Variants in FBLN7 observed in about 807,000 individuals in gnomAD.
FBLN7 encodes the protein fibulin 7, also known as fibulin-7.
FBLN7 carries 31 observed loss-of-function variants against 44.0 expected under a neutral mutation model. The observed-to-expected ratio is 0.70, with a 90% CI of 0.53 to 0.95. The LOEUF is 0.95. FBLN7 is among the 40% of genes least tolerant of loss of function. The probability of loss-of-function intolerance (pLI) is 0.00; values close to 1 mark genes in which losing one functional copy is unlikely to be tolerated. For synonymous variants in FBLN7, 262 were observed against 253.4 expected (o/e 1.03, Z -0.32); for missense variants, 573 against 618.5 (o/e 0.93, Z 0.78).
chr2:112,195,715 A>T, the FBLN7 span, among the ~76,000 whole-genome samples: 1 of 152,206 alleles, frequency 6.6e-6, no homozygotes, highest in South Asian at 2.1e-4. Context: ...TCTTGTTTGC[A>T]GCCGTTCTAA....
Position 112,187,279 on chromosome 2 carries a change from C to T in FBLN7, c.1093C>T (p.Arg365Ter), listed in dbSNP as rs369753216. 90 of 1,614,046 alleles carry T rather than the reference C, an allele frequency of 5.6e-5. No individual in the cohort carries two copies. Among genetic ancestry groups the T allele is most frequent in the East Asian group, 8.9e-5 (4 of 44,898 alleles). Residue 365 changes from arginine to a stop codon, truncating the protein, a stop_gained, in exon 8 of 8, where the codon CGA becomes TGA. Transcript: ENST00000331203. LOFTEE classifies it high-confidence loss of function. This position sits in a 1 kb window ranked among gnomAD's most constrained non-coding sequence, Gnocchi z 5.1. The part of the protein sequence containing the change: ...FRMATASAPG[R>*]AGPNSLRFGI... Reference sequence around the variant, plus strand: ...CATGGCCACAGCCTCTGCCCCCGGCCGAGCTGGGCCCAACAGCCTGCGGTT... The same window carrying T: ...CATGGCCACAGCCTCTGCCCCCGGCTGAGCTGGGCCCAACAGCCTGCGGTT...
chr2:112,205,114 C>A, the FBLN7 span, among the ~76,000 whole-genome samples: 1 of 152,002 alleles, frequency 6.6e-6, no homozygotes, highest in African/African-American at 2.4e-5. Flanking sequence ...AAATTGGTGT[C>A]AATCTGAACT....
intron 1 of FBLN7, among the ~76,000 whole-genome samples, chr2:112,141,765 A>C (rs1680661154): frequency 6.6e-6 from 1 of 152,188 alleles, no homozygotes. Context: ...AGGCCCTGCC[A>C]TTGTGTGACT....
At position 112,175,855 on chromosome 2, in the gene FBLN7, G is replaced by T; in HGVS notation, c.532+16G>T. 2 of 1,612,706 alleles carry T rather than the reference G, an allele frequency of 1.2e-6. No individual in the cohort carries two copies. Among genetic ancestry groups the T allele is most frequent in the Non-Finnish European group, 1.7e-6 (2 of 1,179,062 alleles). On this transcript the variant is annotated intron_variant, in intron 4 of 7. Transcript: ENST00000331203. Reference sequence around the variant, plus strand: ...GCCCAGACTGGTATGTAGCCACCATGGGGTTAGGTGAGGACATCCTGCTGT... The same window carrying T: ...GCCCAGACTGGTATGTAGCCACCATTGGGTTAGGTGAGGACATCCTGCTGT...
At chr2:112,236,419 A>C in the FBLN7 span, 1 of 1,088,870 alleles carries the variant, frequency 9.2e-7, no homozygotes, top group Non-Finnish European at 1.3e-6. Flanking sequence ...CAGTGACAGT[A>C]AAAGGACATC....
the FBLN7 span, chr2:112,238,639 A>G: frequency 2.5e-6 from 2 of 804,284 alleles, no homozygotes; most frequent in Non-Finnish European, 3.9e-6. Flanking sequence ...AAGGTGGGTA[A>G]TAGGTACATG....
intron 1 of FBLN7, among the ~76,000 whole-genome samples, 196 bp from the exon 2 acceptor site, chr2:112,159,480 G>T (rs1214386182): frequency 6.6e-6 from 1 of 152,164 alleles, no homozygotes; most frequent in Non-Finnish European, 1.5e-5. Context: ...CCTGCATTTT[G>T]TTTTTGTCAA....
At chr2:112,217,905 T>A in the FBLN7 span, among the ~76,000 whole-genome samples, 2 of 152,160 alleles carry the variant, frequency 1.3e-5, no homozygotes, top group African/African-American at 4.8e-5. Flanking sequence ...TGTGTTTGTA[T>A]GTGTGTCTGG....
At chr2:112,173,891 A>T (rs958449797) in intron 3 of FBLN7, among the ~76,000 whole-genome samples, 1 of 152,220 alleles carries the variant, frequency 6.6e-6, no homozygotes, top group African/African-American at 2.4e-5. Context: ...CCTGTCTAGA[A>T]ATGAATACAC....
At chr2:112,237,421 C>A in the FBLN7 span, among the ~76,000 whole-genome samples, 1 of 151,982 alleles carries the variant, frequency 6.6e-6, no homozygotes. Flanking sequence ...TTAAATAGAT[C>A]AAGTTTTTAT....
the FBLN7 span, among the ~76,000 whole-genome samples, chr2:112,194,190 G>A: frequency 6.6e-6 from 1 of 152,056 alleles, no homozygotes; most frequent in Non-Finnish European, 1.5e-5. Flanking sequence ...TCTACCCTTG[G>A]GCTCTCCATG....
At chr2:112,167,959 C>G (rs1682257844) in intron 3 of FBLN7, among the ~76,000 whole-genome samples, 1 of 135,680 alleles carries the variant, frequency 7.4e-6, no homozygotes, top group Admixed American at 7.4e-5. Flanking sequence ...GAAGGCCAAG[C>G]CAACTCTTAC....
chr2:112,192,676 T>G (rs955498822), downstream of FBLN7, among the ~76,000 whole-genome samples: 6 of 152,210 alleles, frequency 3.9e-5, no homozygotes, highest in African/African-American at 1.4e-4. Context: ...GAACATGTGC[T>G]CAAGGAGAGA....
chr2:112,178,713 A>C (rs1682847884), intron 4 of FBLN7, among the ~76,000 whole-genome samples: 1 of 152,260 alleles, frequency 6.6e-6, no homozygotes, highest in African/African-American at 2.4e-5. Context: ...AAAATCAATA[A>C]ATGTGATTCA....
intron 5 of FBLN7, 49 bp downstream of exon 5, chr2:112,181,925 G>A (rs764362413): frequency 6.6e-7 from 1 of 1,513,424 alleles, no homozygotes. Context: ...GGGAGGACAT[G>A]GGGCGGGGAA....
At chr2:112,164,875 C>A in intron 2 of FBLN7, 126 bp from the exon 3 acceptor site, 1 of 1,031,612 alleles carries the variant, frequency 9.7e-7, no homozygotes, top group Non-Finnish European at 1.4e-6. Context: ...ATGACCAGCA[C>A]AGTGCACAGC....
At chr2:112,159,946 T>C in intron 2 of FBLN7, 111 bp downstream of exon 2, 1 of 814,232 alleles carries the variant, frequency 1.2e-6, no homozygotes, top group Non-Finnish European at 1.7e-6. Context: ...CCCCATCACC[T>C]TCCATCTTCC....
intron 3 of FBLN7, among the ~76,000 whole-genome samples, chr2:112,173,075 T>C (rs1169293888): frequency 1.3e-5 from 2 of 151,884 alleles, no homozygotes; most frequent in South Asian, 2.1e-4. Context: ...ACAAGGAAAA[T>C]AGGTGCAAAT....
chr2:112,216,893 T>C, the FBLN7 span, among the ~76,000 whole-genome samples: 3 of 151,750 alleles, frequency 2.0e-5, no homozygotes, highest in East Asian at 1.9e-4. Flanking sequence ...GAAAACACAT[T>C]ATAGAGAAAG....
Sources: allele counts gnomAD v4.1 joint callset (sites outside exome capture counted in the v4.1 genomes callset), GRCh38; gene constraint gnomAD v4.1.1; non-coding constraint Gnocchi (gnomAD v3.1); transcripts MANE v1.5; gene names NCBI Gene and HGNC (gene_info 2026-07-23, HGNC 2026-07-21).